The following SLC41A3 variants were observed in gnomAD, a reference collection of about 807,000 sequenced individuals.
The protein encoded by SLC41A3 is solute carrier family 41 member 3, also known as SLC41A1-like 2.
In SLC41A3, 44 loss-of-function variants were observed where a neutral mutation model predicts 45.4. The ratio of observed to expected loss-of-function variants is 0.97; its 90% CI spans 0.76 to 1.25. The LOEUF (loss-of-function observed/expected upper bound fraction) is 1.25, where lower values mean the gene tolerates loss of function less well. Ranked by LOEUF, SLC41A3 falls within the 50% of genes most tolerant of loss-of-function variation. The pLI, the probability that SLC41A3 is intolerant of heterozygous loss-of-function variation, is 0.00. For missense variants in SLC41A3, 550 were observed against 600.6 expected (o/e 0.92, Z 0.88); for synonymous variants, 256 against 252.4 (o/e 1.01, Z -0.13).
Position 126,008,804 on chromosome 3 carries a change from G to C in SLC41A3, c.1182C>G (p.Tyr394Ter). ...TTATGACTGACTGACCCTCCACCAG[G>C]TAGATGATGTAGAAGAAAATCAGAT... is the stretch of plus-strand genomic sequence containing the variant. ...PGHLIFFYII[Y>*]LVEGQSVINS... The change falls in exon 10 of 11, where the codon TAC (tyrosine) becomes TAG (stop). Residue 394 changes from tyrosine (Y) to a stop codon, truncating the protein, a stop_gained. Coordinates refer to ENST00000360370, the MANE Select transcript of SLC41A3 (RefSeq NM_017836.4). LOFTEE classifies it high-confidence loss of function. 1 of 1,614,152 alleles carries C rather than the reference G, an allele frequency of 6.2e-7. No homozygotes were observed. Among genetic ancestry groups the C allele is most frequent in the Non-Finnish European group, 8.5e-7 (1 of 1,180,022 alleles).
intron 2 of SLC41A3, among the ~76,000 whole-genome samples, chr3:126,053,001 C>T (rs1943439143): frequency 6.6e-6 from 1 of 152,172 alleles, no homozygotes; most frequent in South Asian, 2.1e-4. Context: ...GTCCCATCCT[C>T]CTTGCCAGAC....
chr3:126,089,033 C>G (rs2108126900), upstream of SLC41A3, among the ~76,000 whole-genome samples: 1 of 152,208 alleles, frequency 6.6e-6, no homozygotes, highest in African/African-American at 2.4e-5. Flanking sequence ...TATAAAATAC[C>G]AAGTGAAACA....
intron 3 of SLC41A3, among the ~76,000 whole-genome samples, chr3:126,041,092 C>A (rs1366799702): frequency 1.3e-5 from 2 of 152,090 alleles, no homozygotes; most frequent in African/African-American, 4.8e-5. Context: ...AAAATCTTTT[C>A]ATTAGATGAC....
At chr3:126,023,014 G>A (rs1307904518) in intron 5 of SLC41A3, 82 bp from the exon 6 acceptor site, 5 of 1,561,334 alleles carry the variant, frequency 3.2e-6, no homozygotes, top group Non-Finnish European at 4.4e-6. Context: ...GCACAGGGAT[G>A]GGCGGCACTG....
intron 3 of SLC41A3, among the ~76,000 whole-genome samples, chr3:126,037,500 A>G (rs1311079244): frequency 6.6e-6 from 1 of 152,194 alleles, no homozygotes; most frequent in Non-Finnish European, 1.5e-5. Context: ...ACACCTTAGC[A>G]TGGAACTTGG....
chr3:126,014,952 C>A (rs1940124151), intron 8 of SLC41A3, among the ~76,000 whole-genome samples: 1 of 152,162 alleles, frequency 6.6e-6, no homozygotes, highest in Non-Finnish European at 1.5e-5. Context: ...AGGGGGAGAT[C>A]AAGGCAGCTG....
Position 126,068,118 on chromosome 3 carries a change from G to A in SLC41A3, c.102C>T (p.Ala34=). 1 of 1,613,348 alleles carries A rather than the reference G, an allele frequency of 6.2e-7. No homozygotes were observed. The highest frequency in any genetic ancestry group is 8.5e-7 in the Non-Finnish European group (1 of 1,179,780). ...GGGCCCTGAGAGCTCCATCTTCTGAGGCTACAGGGAGTCCTCCTGTGCTGA... is the reference window on the plus strand; with the variant it reads ...GGGCCCTGAGAGCTCCATCTTCTGAAGCTACAGGGAGTCCTCCTGTGCTGA... ...HPLSTGGLPV[A]SEDGALRAPE... The change falls in exon 2 of 11, where the codon GCC becomes GCT. Residue 34 remains alanine (A), a synonymous_variant. Transcript: ENST00000360370.
chr3:126,095,477 T>C (rs927582252), intron 1 of SLC41A3: 1 of 443,774 alleles, frequency 2.3e-6, no homozygotes, highest in Non-Finnish European at 4.0e-6. Context: ...ATGATCACCA[T>C]TGCCGTGAGT....
rs979773243 is a variant in SLC41A3, at chr3:126,064,178, C to T, written c.273+3769G>A. Among the ~76,000 whole-genome samples, 3 of 152,112 alleles carry T rather than the reference C, an allele frequency of 2.0e-5. No individual in the cohort carries two copies. The East Asian group carries it at 5.8e-4, about 30-fold the overall frequency. Reference sequence around the variant, plus strand: ...AAGGCCTAAAACTACGAAGTGCGGCCTCAACACCTGGAGAAAGCAAGATAA... The same window carrying T: ...AAGGCCTAAAACTACGAAGTGCGGCTTCAACACCTGGAGAAAGCAAGATAA... On this transcript the variant is annotated intron_variant, in intron 2 of 10. Transcript: ENST00000360370.
chr3:126,063,141 T>A (rs1338656027), intron 2 of SLC41A3, among the ~76,000 whole-genome samples: 1 of 152,222 alleles, frequency 6.6e-6, no homozygotes, highest in Non-Finnish European at 1.5e-5. Context: ...CTGCCCATTA[T>A]GCCTTCACAT....
rs144300026 is a variant in SLC41A3, at chr3:126,026,425, C to A, written c.508G>T (p.Val170Leu). 1 of 1,597,762 alleles carries A rather than the reference C, an allele frequency of 6.3e-7. No homozygotes were observed. Among genetic ancestry groups the A allele is most frequent in the Non-Finnish European group, 8.5e-7 (1 of 1,171,930 alleles). The change falls in exon 5 of 11, where the codon GTG (valine) becomes TTG (leucine). Residue 170 changes from valine to leucine, a missense_variant. Physicochemically the swap from Val to Leu is conservative, Grantham distance 32. Coordinates refer to ENST00000360370, the MANE Select transcript of SLC41A3 (RefSeq NM_017836.4). The surrounding 1 kb of genome is among the most constrained non-coding windows in gnomAD (Gnocchi z 4.2). ...ACATCCACTTCCTCTCGAGACACCACGCCCAACAGCAGCGCAGCCACAGCA... is the reference window on the plus strand; with the variant it reads ...ACATCCACTTCCTCTCGAGACACCAAGCCCAACAGCAGCGCAGCCACAGCA... ...LAAVAALLLGVVSREEVDVAK... is the reference protein window; with the variant it reads ...LAAVAALLLGLVSREEVDVAK...
intron 2 of SLC41A3, among the ~76,000 whole-genome samples, chr3:126,064,880 G>C (rs548094360): frequency 6.6e-6 from 1 of 152,362 alleles, no homozygotes; most frequent in East Asian, 1.9e-4. Context: ...TGGAATTTCA[G>C]AAAGATTAAC....
chr3:126,027,397 C>T (rs1201574039), intron 4 of SLC41A3, among the ~76,000 whole-genome samples: 5 of 152,232 alleles, frequency 3.3e-5, no homozygotes, highest in Non-Finnish European at 7.4e-5. Context: ...TTTGCATTCC[C>T]CCCATGCTTG....
At chr3:126,030,583 C>T (rs1455008040) in intron 4 of SLC41A3, among the ~76,000 whole-genome samples, 1 of 152,100 alleles carries the variant, frequency 6.6e-6, no homozygotes, top group East Asian at 1.9e-4. Context: ...GAGCCTGGCA[C>T]TCTGCAGGTA....
chr3:126,098,552 G>A (rs894414191), intron 1 of SLC41A3, among the ~76,000 whole-genome samples: 3 of 152,214 alleles, frequency 2.0e-5, no homozygotes, highest in African/African-American at 7.2e-5. Context: ...AACCCTGATG[G>A]GACTAATCTC....
intron 1 of SLC41A3, among the ~76,000 whole-genome samples, chr3:126,076,516 T>C (rs1010044260): frequency 2.6e-5 from 4 of 152,246 alleles, no homozygotes; most frequent in African/African-American, 7.2e-5. Flanking sequence ...TCTACTGAAC[T>C]GTACATTTAA....
At chr3:126,025,686 G>A (rs1418312598) in intron 5 of SLC41A3, 1 of 152,374 alleles carries the variant, frequency 6.6e-6, no homozygotes, top group African/African-American at 2.4e-5. Context: ...TCCACTGTGT[G>A]AGGACAGCGA....
intron 2 of SLC41A3, among the ~76,000 whole-genome samples, chr3:126,053,414 C>A (rs1223166700): frequency 1.3e-5 from 2 of 152,204 alleles, no homozygotes; most frequent in Admixed American, 6.5e-5. Context: ...GTTTAAGCTA[C>A]CTCCTCTGTG....
intron 8 of SLC41A3, among the ~76,000 whole-genome samples, chr3:126,013,924 G>A (rs549965839): frequency 1.2e-4 from 18 of 152,272 alleles, no homozygotes; most frequent in African/African-American, 3.9e-4. Flanking sequence ...GAGCACATGC[G>A]GTCTCTGGGA....
Sources: allele counts gnomAD v4.1 joint callset (sites outside exome capture counted in the v4.1 genomes callset), GRCh38; gene constraint gnomAD v4.1.1; non-coding constraint Gnocchi (gnomAD v3.1); transcripts MANE v1.5; gene names NCBI Gene and HGNC (gene_info 2026-07-23, HGNC 2026-07-21).